The following ALMS1 variants were observed in gnomAD, a reference collection of about 807,000 sequenced individuals.
The protein encoded by ALMS1 is ALMS1 centrosome and basal body associated protein, also known as centrosome-associated protein ALMS1.
ALMS1 carries 271 observed loss-of-function variants against 352.2 expected under a neutral mutation model. The observed-to-expected ratio is 0.77, with a 90% confidence interval of 0.70 to 0.85. The LOEUF (loss-of-function observed/expected upper bound fraction) is 0.85, where lower values mean the gene tolerates loss of function less well. ALMS1 is among the 40% of genes least tolerant of loss of function. ALMS1 has a pLI of 0.00. For missense variants in ALMS1, 5,445 were observed against 4,870.7 expected (o/e 1.12, Z -3.51); for synonymous variants, 1,865 against 1,761.2 (o/e 1.06, Z -1.48).
In ALMS1 at chr2:73,453,810, G is replaced by T; in HGVS notation, c.7283G>T (p.Trp2428Leu). 1.2e-6 allele frequency: 2 copies of T among 1,614,110 alleles called. No individual in the cohort carries two copies. Among genetic ancestry groups the T allele is most frequent in the South Asian group, 2.2e-5 (2 of 91,074 alleles). Residue 2428 changes from tryptophan to leucine, a missense_variant, in exon 8 of 23, where the codon TGG becomes TTG. By Grantham distance (61) the Trp-to-Leu change is moderately conservative. Coordinates refer to ENST00000613296, the MANE Select transcript of ALMS1 (RefSeq NM_001378454.1). ...AGTGATGGAAATGGTTCCTGCTCGT[G>T]GGACAGTAATTTACCAGAGTCTTTG... ...DASDGNGSCS[W>L]DSNLPESLES... is the part of the protein sequence containing the mutation.
At chr2:73,435,295 T>C (rs1671584457) in intron 7 of ALMS1, among the ~76,000 whole-genome samples, 1 of 152,226 alleles carries the variant, frequency 6.6e-6, no homozygotes, top group African/African-American at 2.4e-5. Context: ...GTTTGGTTTT[T>C]CATGTGTCTT....
intron 10 of ALMS1, among the ~76,000 whole-genome samples, chr2:73,494,542 T>C (rs1038651360): frequency 9.9e-5 from 15 of 152,258 alleles, no homozygotes; most frequent in African/African-American, 3.6e-4. Flanking sequence ...TTAGTTGTCA[T>C]GTCTTAGACT....
chr2:73,472,862 C>T (rs1315616501), intron 9 of ALMS1, among the ~76,000 whole-genome samples: 1 of 152,036 alleles, frequency 6.6e-6, no homozygotes, highest in Admixed American at 6.6e-5. Flanking sequence ...CAGCTCAGAG[C>T]TTTCCTGGGA....
chr2:73,488,019 T>C (rs924668053), intron 9 of ALMS1, among the ~76,000 whole-genome samples: 1 of 152,188 alleles, frequency 6.6e-6, no homozygotes, highest in African/African-American at 2.4e-5. Context: ...AATTGGTCCA[T>C]GGGCAGGCCC....
At chr2:73,548,429 A>G (rs1674363910) in intron 12 of ALMS1, among the ~76,000 whole-genome samples, 2 of 151,896 alleles carry the variant, frequency 1.3e-5, no homozygotes, top group Non-Finnish European at 2.9e-5. Context: ...GCTGCCTCTC[A>G]CCTCCTCTGA....
In ALMS1 at chr2:73,519,970, C is replaced by G; in HGVS notation, c.9735C>G (p.Ala3245=). 6.2e-7 allele frequency: 1 copy of G among 1,613,998 alleles called. No individual in the cohort carries two copies. The highest frequency in any genetic ancestry group is 8.5e-7 in the Non-Finnish European group (1 of 1,179,930). Residue 3245 remains alanine (A), a synonymous_variant, in exon 11 of 23, where the codon GCC becomes GCG. Transcript: ENST00000613296. The part of the protein sequence containing the change: ...QKLRKAPVKF[A]SSSSVQQVTF... ...TACGCAAAGCTCCTGTCAAGTTTGC[C>G]TCATCATCTTCAGTCCAACAGGTTA...
intron 6 of ALMS1, among the ~76,000 whole-genome samples, chr2:73,430,303 C>T (rs1225649766): frequency 6.6e-6 from 1 of 152,128 alleles, no homozygotes; most frequent in Non-Finnish European, 1.5e-5. Flanking sequence ...GTCTCGATCT[C>T]CTGACTTCGT....
intron 10 of ALMS1, among the ~76,000 whole-genome samples, chr2:73,494,582 T>G (rs1673064977): frequency 1.3e-5 from 2 of 152,216 alleles, no homozygotes; most frequent in South Asian, 2.1e-4. Context: ...TCCCAGTCTT[T>G]TTTTGTCTTT....
rs780438592 is a variant in ALMS1 at position 73,572,849 on chromosome 2, C to A, written c.10972C>A (p.Arg3658=). ...TACACATGATGATAGCAGAGGGGAA[C>A]GAAGTGTGAAGGAATGGAGTGGTAG... is the stretch of plus-strand genomic sequence containing the variant. ...ESTHDDSRGE[R]SVKEWSGRQQ... Residue 3658 remains arginine (R), a synonymous_variant, in exon 16 of 23, where the codon CGA becomes AGA. Coordinates refer to ENST00000613296, the MANE Select transcript of ALMS1 (RefSeq NM_001378454.1). 6.2e-7 allele frequency: 1 copy of A among 1,613,746 alleles called. No homozygotes were observed. The highest frequency in any genetic ancestry group is 1.7e-5 in the Admixed American group (1 of 59,964).
intron 15 of ALMS1, among the ~76,000 whole-genome samples, chr2:73,570,238 C>T (rs75274824): frequency 0.06 from 9,194 of 152,198 alleles, 448 homozygotes; most frequent in East Asian, 0.22. Flanking sequence ...ATGGCTGTGA[C>T]ATCCAAGTGG....
chr2:73,398,555 T>A (rs1670812025), intron 1 of ALMS1, among the ~76,000 whole-genome samples: 1 of 152,192 alleles, frequency 6.6e-6, no homozygotes, highest in Non-Finnish European at 1.5e-5. Context: ...ATCTTGACAA[T>A]ATTGAGTATT....
intron 1 of ALMS1, among the ~76,000 whole-genome samples, chr2:73,388,812 T>A (rs1005222346): frequency 6.6e-6 from 1 of 152,174 alleles, no homozygotes; most frequent in Non-Finnish European, 1.5e-5. Flanking sequence ...TCTTTTTTTT[T>A]AATGGCGTCT....
intron 16 of ALMS1, among the ~76,000 whole-genome samples, chr2:73,594,183 C>A (rs879543443): frequency 2.0e-5 from 3 of 152,254 alleles, no homozygotes; most frequent in Non-Finnish European, 4.4e-5. Flanking sequence ...TTTTACATTC[C>A]CACCAGCAGT....
intron 10 of ALMS1, among the ~76,000 whole-genome samples, chr2:73,500,000 G>T (rs1341595806): frequency 1.3e-5 from 2 of 152,174 alleles, no homozygotes; most frequent in African/African-American, 4.8e-5. Flanking sequence ...ACAGCCTGCA[G>T]AACTGTGAGC....
chr2:73,405,742 A>G (rs772287958), intron 1 of ALMS1, among the ~76,000 whole-genome samples: 2 of 152,062 alleles, frequency 1.3e-5, no homozygotes, highest in African/African-American at 2.4e-5. Flanking sequence ...GCTACATTCA[A>G]TAAGCTTTGG....
At chr2:73,596,341 GCAT>G (rs746735850) in intron 16 of ALMS1, among the ~76,000 whole-genome samples, 2 of 152,110 alleles carry the variant, frequency 1.3e-5, no homozygotes, top group Non-Finnish European at 2.9e-5. Flanking sequence ...AATTGTCCCA[GCAT>G]CATTTGTTCA....
In ALMS1 at chr2:73,451,886, A is replaced by G. The variant is rs45608038; in HGVS notation, c.5359A>G (p.Asn1787Asp). 24,815 of 1,611,588 alleles carry G rather than the reference A, an allele frequency of 0.015. 259 individuals are homozygous for G. Among genetic ancestry groups the G allele is most frequent in the Non-Finnish European group, 0.016 (18,850 of 1,179,136 alleles). ...HLTEEALKVS[N>D]VPGPADQKTG... ...AACTGAAGAGGCTCTGAAAGTTTCA[A>G]ATGTTCCTGGACCAGCTGACCAGAA... is the stretch of plus-strand genomic sequence containing the variant. The change falls in exon 8 of 23, where the codon AAT (asparagine) becomes GAT (aspartate). Residue 1787 changes from asparagine (N) to aspartate (D), a missense_variant. By Grantham distance (23) the Asn-to-Asp change is conservative. Coordinates refer to ENST00000613296, the MANE Select transcript of ALMS1 (RefSeq NM_001378454.1).
intron 16 of ALMS1, among the ~76,000 whole-genome samples, chr2:73,580,089 CT>C (rs879891205): frequency 2.6e-5 from 4 of 151,966 alleles, no homozygotes; most frequent in Non-Finnish European, 5.9e-5. Flanking sequence ...CTTTCATTTT[CT>C]ATTTTTTTAG....
intron 9 of ALMS1, among the ~76,000 whole-genome samples, chr2:73,466,659 A>G (rs914265251): frequency 2.6e-5 from 4 of 152,194 alleles, no homozygotes; most frequent in Admixed American, 6.5e-5. Context: ...AAATAAAAAA[A>G]TTCTAAGTGG....
Sources: gnomAD v4.1 joint callset for allele counts (sites outside exome capture counted in the v4.1 genomes callset) on GRCh38, gnomAD v4.1.1 for gene constraint, MANE v1.5 for transcripts, NCBI Gene and HGNC (gene_info 2026-07-23, HGNC 2026-07-21) for gene names.